The following RIPOR2 variants were observed in gnomAD, a reference collection of about 807,000 sequenced individuals.
RIPOR2 encodes the protein RHO family interacting cell polarization regulator 2.
Under a neutral mutation model 114.5 loss-of-function variants are expected in RIPOR2, and 39 were observed. That is an observed-to-expected ratio of 0.34 (90% confidence interval 0.26 to 0.44). The LOEUF is 0.44. RIPOR2 is among the 20% of genes least tolerant of loss of function. The pLI is 1.00. For missense variants in RIPOR2, 1,007 were observed against 1,255.1 expected (o/e 0.80, Z 2.99); for synonymous variants, 445 against 484.4 (o/e 0.92, Z 1.07).
chr6:24,946,057 T>C (rs992553493), intron 1 of RIPOR2, among the ~76,000 whole-genome samples: 2 of 149,902 alleles, frequency 1.3e-5, no homozygotes, highest in African/African-American at 2.5e-5. Context: ...TGGAAGATGA[T>C]AATTATTTAC....
In RIPOR2 at chr6:24,805,125, C is replaced by G. The variant is rs1780694608; in HGVS notation, c.*1248G>C. The G allele has an allele frequency of 6.6e-6, 1 of 152,096 alleles. No homozygotes were observed. The highest frequency in any genetic ancestry group is 2.4e-5 in the African/African-American group (1 of 41,420). The allele number at this position is 152,096 out of a possible 1,614,324, so 9.4% of individuals were successfully genotyped here. ...GGATTTCTCTGACTTCTAGGTTCCT[C>G]CACCTCAAAGAGCATCACAGGTTTG... On this transcript the variant is annotated 3_prime_UTR_variant, in exon 22 of 22. Coordinates refer to ENST00000643898, the MANE Select transcript of RIPOR2 (RefSeq NM_001286445.3).
intron 1 of RIPOR2, among the ~76,000 whole-genome samples, chr6:24,966,445 T>G (rs1424548747): frequency 6.6e-6 from 1 of 152,256 alleles, no homozygotes; most frequent in Non-Finnish European, 1.5e-5. Context: ...AATGTTTTCT[T>G]TAATACTGCG....
chr6:25,041,932 C>G (rs1011885523), exon 1 of RIPOR2: 28 of 702,376 alleles, frequency 4.0e-5, no homozygotes, highest in Middle Eastern at 2.3e-4. Flanking sequence ...ACCATGGTCC[C>G]AACAGAGCGG....
intron 1 of RIPOR2, among the ~76,000 whole-genome samples, chr6:25,038,748 A>G (rs1415700189): frequency 1.3e-5 from 2 of 152,260 alleles, no homozygotes; most frequent in Non-Finnish European, 2.9e-5. Context: ...CAGCTAATTC[A>G]TGCCCATGGA....
In RIPOR2 at chr6:24,976,394, C is replaced by A; in HGVS notation, c.76+65457G>T. Reference sequence around the variant, plus strand: ...GAAAAGGCTTTGCAGACGCCGCCGCCGAGGAAAACCGTGTGCTATTAGCCA... The same window carrying A: ...GAAAAGGCTTTGCAGACGCCGCCGCAGAGGAAAACCGTGTGCTATTAGCCA... On this transcript the variant is annotated intron_variant, in intron 1 of 13. Transcript: ENST00000510784. 2.8e-6 allele frequency: 4 copies of A among 1,435,848 alleles called. No homozygotes were observed. The East Asian group carries it at 9.1e-5, about 33-fold the overall frequency. The allele number at this position is 1,435,848 out of a possible 1,614,324, so 88.9% of individuals were successfully genotyped here. A position where few individuals can be genotyped will look rare whatever the true frequency, so the allele number is the denominator to read the frequency against.
chr6:24,912,069 C>T (rs1426712776), intron 1 of RIPOR2, among the ~76,000 whole-genome samples: 1 of 152,232 alleles, frequency 6.6e-6, no homozygotes, highest in East Asian at 1.9e-4. Flanking sequence ...GGAATACAAG[C>T]AGCCAGAACC....
intron 1 of RIPOR2, among the ~76,000 whole-genome samples, chr6:25,008,426 G>A (rs1015073176): frequency 6.6e-6 from 1 of 152,220 alleles, no homozygotes; most frequent in Non-Finnish European, 1.5e-5. Context: ...TGTGAGGACA[G>A]TGGCAAAGGC....
chr6:24,875,835 G>T lies in RIPOR2; in HGVS notation c.62-18C>A. ...CGGTAGTCCTAGAAGACAGTGGAAA[G>T]ATCATGACAATTTATAGGCAGGTTC... On this transcript the variant is annotated intron_variant, in intron 1 of 21. Transcript: ENST00000643898. 2 of 1,588,558 alleles carry T rather than the reference G, an allele frequency of 1.3e-6. No homozygotes were observed. The highest frequency in any genetic ancestry group is 1.7e-6 in the Non-Finnish European group (2 of 1,166,834).
At chr6:24,947,321 G>A (rs1772472443) in intron 1 of RIPOR2, among the ~76,000 whole-genome samples, 1 of 152,166 alleles carries the variant, frequency 6.6e-6, no homozygotes, top group Non-Finnish European at 1.5e-5. Context: ...AGGCATCCAG[G>A]AAGAACTACA....
intron 7 of RIPOR2, among the ~76,000 whole-genome samples, chr6:24,864,333 A>G (rs1438038653): frequency 6.6e-6 from 1 of 152,180 alleles, no homozygotes; most frequent in African/African-American, 2.4e-5. Flanking sequence ...CTATCTCTCA[A>G]AAAATAATAA....
intron 18 of RIPOR2, 23 bp downstream of exon 18, chr6:24,828,114 T>C (rs552461468): frequency 2.0e-6 from 3 of 1,528,346 alleles, no homozygotes; most frequent in South Asian, 2.5e-5. Context: ...ACCACTACAA[T>C]GTGACAAAAG....
At chr6:24,876,919 C>A (rs1389200960) in intron 1 of RIPOR2, 1 of 962,810 alleles carries the variant, frequency 1.0e-6, no homozygotes, top group Non-Finnish European at 1.2e-6. Flanking sequence ...TAATTCTATT[C>A]CTTTTAGATC....
At chr6:24,859,721 G>GT (rs1763864391) in intron 8 of RIPOR2, among the ~76,000 whole-genome samples, 1 of 152,150 alleles carries the variant, frequency 6.6e-6, no homozygotes, top group African/African-American at 2.4e-5. Flanking sequence ...TTACATGTCA[G>GT]TGCCTAGTGC....
At chr6:24,925,224 C>T (rs534573861) in intron 1 of RIPOR2, among the ~76,000 whole-genome samples, 2 of 152,324 alleles carry the variant, frequency 1.3e-5, no homozygotes, top group African/African-American at 4.8e-5. Flanking sequence ...TCAGTGTTAC[C>T]TGGTGGGTCA....
intron 2 of RIPOR2, among the ~76,000 whole-genome samples, 178 bp from the exon 3 acceptor site, chr6:24,873,977 G>A (rs1345429526): frequency 2.0e-5 from 3 of 152,148 alleles, no homozygotes; most frequent in African/African-American, 7.2e-5. Context: ...GGACTCATGA[G>A]CTCAAGTGAT....
At chr6:25,042,157 A>G (rs1777481959), upstream of RIPOR2, 2 of 454,928 alleles carry the variant, frequency 4.4e-6, no homozygotes, top group Non-Finnish European at 7.8e-6. Flanking sequence ...GCCCGAAGGC[A>G]GCTGCTGTGC....
At chr6:24,860,634 G>A (rs1438444664) in intron 8 of RIPOR2, among the ~76,000 whole-genome samples, 1 of 152,160 alleles carries the variant, frequency 6.6e-6, no homozygotes, top group Non-Finnish European at 1.5e-5. Flanking sequence ...TTTCATCAAA[G>A]GACTTCTCTT....
At chr6:25,025,430 C>T (rs753904596) in intron 1 of RIPOR2, among the ~76,000 whole-genome samples, 5 of 151,956 alleles carry the variant, frequency 3.3e-5, no homozygotes, top group East Asian at 1.9e-4. Flanking sequence ...ATGCTGGGTG[C>T]GTGACGAGGC....
At chr6:24,992,953 G>A (rs926462677) in intron 1 of RIPOR2, among the ~76,000 whole-genome samples, 21 of 152,164 alleles carry the variant, frequency 1.4e-4, no homozygotes, top group African/African-American at 5.1e-4. Flanking sequence ...AGTGCCACCA[G>A]GGAATGGCCT....
Sources: gnomAD v4.1 joint callset for allele counts (sites outside exome capture counted in the v4.1 genomes callset) on GRCh38, gnomAD v4.1.1 for gene constraint, MANE v1.5 for transcripts, NCBI Gene and HGNC (gene_info 2026-07-23, HGNC 2026-07-21) for gene names.